FOXP1: variants seen among roughly 807,000 people sequenced by gnomAD.
The protein encoded by FOXP1 is forkhead box P1, also known as forkhead box protein P1.
A neutral mutation model predicts 98.2 loss-of-function variants in FOXP1; 15 were observed. That is an observed-to-expected ratio of 0.15 (90% CI 0.10 to 0.24). The LOEUF (loss-of-function observed/expected upper bound fraction) is 0.24. Ranked by LOEUF, FOXP1 falls within the 10% of genes least tolerant of loss-of-function variation. FOXP1 has a pLI of 1.00. For missense variants in FOXP1, 633 were observed against 848.5 expected, an observed-to-expected ratio of 0.75 and a Z score of 3.15; for synonymous variants, 371 against 314.5, an observed-to-expected ratio of 1.18 and a Z score of -1.90.
chr3:71,529,000 C>T (rs2043614057), intron 2 of FOXP1, among the ~76,000 whole-genome samples: 1 of 152,174 alleles, frequency 6.6e-6, no homozygotes, highest in South Asian at 2.1e-4. Context: ...TAAGGCAAAA[C>T]TTTGCACCAG....
Position 70,957,210 on chromosome 3 carries a change from T to A in FOXP1, c.*2037A>T, listed in dbSNP as rs898221307. The A allele has an allele frequency of 8.9e-6, 2 of 224,560 alleles. No homozygotes were observed. The highest frequency in any genetic ancestry group is 4.5e-5 in the African/African-American group (2 of 44,824). The allele number at this position is 224,560 out of a possible 1,614,324, so 13.9% of individuals were successfully genotyped here. A position where few individuals can be genotyped will look rare whatever the true frequency, so the allele number is the denominator to read the frequency against. ...CTGTAGCTCCTTTAATATTGTGTCC[T>A]ATTTTTATCTGCAGTAGCCCCATAA... On this transcript the variant is annotated 3_prime_UTR_variant, in exon 21 of 21. Transcript: ENST00000649528.
rs375708212 is a variant in FOXP1, at chr3:71,028,039, G to A, written c.870-12386C>T. Among the ~76,000 whole-genome samples the A allele has an allele frequency of 8.5e-5, 13 of 152,208 alleles. No individual in the cohort carries two copies. The East Asian group carries it at 2.5e-3, about 29-fold the overall frequency. ...CCTTAACGTATCAGTAGGAGCTCAG[G>A]TGATGAAAGGAATAGAGTGAGAGCA... On this transcript the variant is annotated intron_variant, in intron 11 of 20. Coordinates refer to ENST00000649528, the MANE Select transcript of FOXP1 (RefSeq NM_001349338.3).
intron 3 of FOXP1, among the ~76,000 whole-genome samples, chr3:71,388,337 T>C (rs2080754771): frequency 6.6e-6 from 1 of 152,234 alleles, no homozygotes; most frequent in East Asian, 1.9e-4. Flanking sequence ...TTGAAAACTA[T>C]ATAGATGGCT....
intron 2 of FOXP1, among the ~76,000 whole-genome samples, chr3:71,515,741 T>C (rs548961028): frequency 2.6e-4 from 40 of 152,320 alleles, no homozygotes; most frequent in African/African-American, 8.7e-4. Flanking sequence ...ATAAGTTATA[T>C]CTAGCTCACC....
chr3:70,966,904 C>CAA lies in FOXP1; in HGVS notation c.1723-850_1723-849dup, dbSNP rs1483860439. Among the ~76,000 whole-genome samples, 4 of 152,200 alleles carry CAA rather than the reference C, an allele frequency of 2.6e-5. No homozygotes were observed. The East Asian group carries it at 7.7e-4, about 29-fold the overall frequency. On this transcript the variant is annotated intron_variant, in intron 19 of 20. Transcript: ENST00000649528. ...TACTGCATTTGAATAAAAGGGACAC[C>CAA]AAGTCTGAAATGCAGACGCTAGTTA... is the stretch of plus-strand genomic sequence containing the variant.
At chr3:71,318,669 G>A (rs964192391) in intron 4 of FOXP1, among the ~76,000 whole-genome samples, 12 of 152,200 alleles carry the variant, frequency 7.9e-5, no homozygotes, top group African/African-American at 2.9e-4. Flanking sequence ...TGAATGTCAG[G>A]AGAAGCTGGC....
At chr3:71,225,571 T>C (rs560650055) in intron 5 of FOXP1, among the ~76,000 whole-genome samples, 6 of 152,382 alleles carry the variant, frequency 3.9e-5, no homozygotes, top group South Asian at 2.1e-4. Context: ...TTGTTCCCTG[T>C]AGAATTCTGT....
In FOXP1 at chr3:71,515,853, G is replaced by A. The variant is rs189059860; in HGVS notation, c.-297-22298C>T. Among the ~76,000 whole-genome samples the A allele has an allele frequency of 3.2e-3, 493 of 152,256 alleles. 2 individuals carry two copies. Among genetic ancestry groups the A allele is most frequent in the African/African-American group, 0.011 (455 of 41,562 alleles). On this transcript the variant is annotated intron_variant, in intron 2 of 20. Transcript: ENST00000649528. ...GCTAAAACAAAAGGAAACAAAAAAC[G>A]TCATCTTTTTAAGGAAGGAACAAGG...
In FOXP1 at chr3:71,001,683, G is replaced by C. The variant is rs772300280; in HGVS notation, c.975-624C>G. Among the ~76,000 whole-genome samples the C allele has an allele frequency of 7.0e-4, 107 of 152,184 alleles. 2 individuals carry two copies. Among genetic ancestry groups the C allele is most frequent in the Admixed American group, 7.9e-4 (12 of 15,284 alleles). On this transcript the variant is annotated intron_variant, in intron 12 of 20. Coordinates refer to ENST00000649528, the MANE Select transcript of FOXP1 (RefSeq NM_001349338.3). ...TGATGGTCTAGATATCCAGTTTACG[G>C]ATGATTCAGGCCACATGCTGAGTAT...
chr3:71,071,445 C>A (rs1372573554), intron 7 of FOXP1, among the ~76,000 whole-genome samples: 1 of 152,222 alleles, frequency 6.6e-6, no homozygotes, highest in Non-Finnish European at 1.5e-5. Context: ...AGGAGTACTA[C>A]ATATGACTTA....
chr3:71,168,470 T>C lies in FOXP1; in HGVS notation c.180+29732A>G, dbSNP rs2061492262. Reference sequence around the variant, plus strand: ...CATCATGTAATAAGTATGAGAAATATATGTGCAATGGCCAAATGGCCGGTA... The same window carrying C: ...CATCATGTAATAAGTATGAGAAATACATGTGCAATGGCCAAATGGCCGGTA... On this transcript the variant is annotated intron_variant, in intron 6 of 20. Coordinates refer to ENST00000649528, the MANE Select transcript of FOXP1 (RefSeq NM_001349338.3). Among the ~76,000 whole-genome samples, 2 of 152,242 alleles carry C rather than the reference T, an allele frequency of 1.3e-5. 1 individual carries two copies. Among genetic ancestry groups the C allele is most frequent in the South Asian group, 4.1e-4 (2 of 4,832 alleles).
chr3:71,389,621 T>C (rs187102462), intron 3 of FOXP1, among the ~76,000 whole-genome samples: 1 of 152,282 alleles, frequency 6.6e-6, no homozygotes, highest in African/African-American at 2.4e-5. Flanking sequence ...CAAGAGAATA[T>C]GAGTAAATTA....
At chr3:70,960,043 C>G (rs2032935202) in intron 20 of FOXP1, among the ~76,000 whole-genome samples, 1 of 152,182 alleles carries the variant, frequency 6.6e-6, no homozygotes. Flanking sequence ...GCTGTGTGTT[C>G]TGCTTTGCTA....
chr3:71,017,956 T>C (rs2044758590), intron 11 of FOXP1, among the ~76,000 whole-genome samples: 1 of 152,204 alleles, frequency 6.6e-6, no homozygotes, highest in African/African-American at 2.4e-5. Context: ...TGTGATTTTT[T>C]CAATTTGGAA....
intron 5 of FOXP1, among the ~76,000 whole-genome samples, chr3:71,223,658 G>A (rs1438682381): frequency 1.4e-5 from 2 of 140,210 alleles, no homozygotes; most frequent in Non-Finnish European, 3.0e-5. Flanking sequence ...TTGCACCACC[G>A]CACTCCGGCC....
chr3:71,515,139 G>T (rs948781060), intron 2 of FOXP1, among the ~76,000 whole-genome samples: 12 of 152,078 alleles, frequency 7.9e-5, no homozygotes, highest in African/African-American at 2.7e-4. Context: ...GTTACAAACT[G>T]GCATTTCTAG....
intron 3 of FOXP1, among the ~76,000 whole-genome samples, chr3:71,432,808 A>C (rs975930015): frequency 6.6e-6 from 1 of 150,704 alleles, no homozygotes; most frequent in Non-Finnish European, 1.5e-5. Flanking sequence ...CCTTCAAAGC[A>C]GTTCGACACT....
chr3:71,155,885 G>A (rs528689976), intron 6 of FOXP1, among the ~76,000 whole-genome samples: 2 of 152,140 alleles, frequency 1.3e-5, no homozygotes, highest in Non-Finnish European at 2.9e-5. Flanking sequence ...AGACAGCCCC[G>A]CAGTGCAGGT....
intron 2 of FOXP1, among the ~76,000 whole-genome samples, chr3:71,535,386 T>A (rs1382868121): frequency 6.6e-6 from 1 of 151,974 alleles, no homozygotes; most frequent in Non-Finnish European, 1.5e-5. Flanking sequence ...TGAGAGCCAG[T>A]GGCAAAGCAG....
Sources: gnomAD v4.1 joint callset for allele counts (sites outside exome capture counted in the v4.1 genomes callset) on GRCh38, gnomAD v4.1.1 for gene constraint, MANE v1.5 for transcripts, NCBI Gene and HGNC (gene_info 2026-07-23, HGNC 2026-07-21) for gene names.